Variants in TLN2 observed in about 807,000 individuals in gnomAD.
TLN2 encodes the protein talin 2, also known as talin-2.
In TLN2, 118 loss-of-function variants were observed where a neutral mutation model predicts 294.7. The ratio of observed to expected loss-of-function variants is 0.40; its 90% confidence interval spans 0.34 to 0.47. The LOEUF (loss-of-function observed/expected upper bound fraction) is 0.47, where lower values mean the gene tolerates loss of function less well. Ranked by LOEUF, TLN2 falls within the 20% of genes least tolerant of loss-of-function variation. The probability of loss-of-function intolerance (pLI) is 0.84; values close to 1 mark genes in which losing one functional copy is unlikely to be tolerated. For missense variants in TLN2, 3,083 were observed against 3,282.2 expected, an observed-to-expected ratio of 0.94 and a Z score of 1.48; for synonymous variants, 1,431 against 1,304.5, an observed-to-expected ratio of 1.10 and a Z score of -2.09.
intron 1 of TLN2, among the ~76,000 whole-genome samples, chr15:62,529,577 A>G (rs1366426876): frequency 2.1e-5 from 3 of 141,816 alleles, no homozygotes; most frequent in Non-Finnish European, 4.6e-5. Flanking sequence ...AAAAAAAAAA[A>G]AGGACAGTAC....
At chr15:62,497,823 G>T (rs1382699131) in intron 1 of TLN2, among the ~76,000 whole-genome samples, 1 of 151,918 alleles carries the variant, frequency 6.6e-6, no homozygotes, top group African/African-American at 2.4e-5. Context: ...TTTTTCCATG[G>T]TGGGGTTTTG....
intron 17 of TLN2, 126 bp from the exon 18 acceptor site, chr15:62,701,866 A>ATG (rs1181429697): frequency 9.2e-7 from 1 of 1,087,470 alleles, no homozygotes; most frequent in Non-Finnish European, 1.3e-6. Context: ...CACTGTGCTC[A>ATG]TGTGAAGCTT....
chr15:62,776,170 A>C (rs2063707651), intron 42 of TLN2, among the ~76,000 whole-genome samples: 1 of 152,004 alleles, frequency 6.6e-6, no homozygotes, highest in Non-Finnish European at 1.5e-5. Context: ...GGTGTGAAAC[A>C]CCTACTTCCT....
At chr15:62,631,992 T>C (rs2049943471) in intron 3 of TLN2, among the ~76,000 whole-genome samples, 2 of 152,194 alleles carry the variant, frequency 1.3e-5, no homozygotes, top group South Asian at 2.1e-4. Flanking sequence ...CCCACAAGGA[T>C]CACAGTAGGT....
rs757616114 is a variant in TLN2 at position 62,761,726 on chromosome 15, A to G, written c.4684A>G (p.Ile1562Val). ...FSEDNRNKCR[I>V]ATAPLIEAVE... is the part of the protein sequence containing the mutation. ...TGAAGACAACCGCAATAAGTGTCGC[A>G]TCGCCACCGCACCCTTGATTGAAGC... Residue 1562 changes from isoleucine to valine, a missense_variant, in exon 38 of 59, where the codon ATC (isoleucine) becomes GTC (valine). Coordinates refer to ENST00000636159, the MANE Select transcript of TLN2 (RefSeq NM_015059.3). The G allele has an allele frequency of 5.6e-6, 9 of 1,614,168 alleles. No individual in the cohort carries two copies. The African/African-American group carries it at 6.7e-5, about 12-fold the overall frequency.
At chr15:62,603,738 C>A (rs1315867165) in intron 2 of TLN2, among the ~76,000 whole-genome samples, 1 of 152,100 alleles carries the variant, frequency 6.6e-6, no homozygotes, top group South Asian at 2.1e-4. Flanking sequence ...AAGGGAGTCA[C>A]GTTTGGGAGA....
At chr15:62,777,084 G>C (rs933624662) in intron 43 of TLN2, among the ~76,000 whole-genome samples, 174 bp downstream of exon 43, 1 of 152,098 alleles carries the variant, frequency 6.6e-6, no homozygotes, top group Admixed American at 6.5e-5. Flanking sequence ...TATTATTAAT[G>C]CATTACTTTT....
intron 15 of TLN2, 130 bp from the exon 16 acceptor site, chr15:62,698,624 G>A: frequency 1.5e-6 from 1 of 659,258 alleles, no homozygotes; most frequent in South Asian, 1.8e-5. Flanking sequence ...AGATGGTTGA[G>A]GCGCTTGTTG....
At chr15:62,666,477 C>T (rs2054661685) in intron 9 of TLN2, among the ~76,000 whole-genome samples, 1 of 152,136 alleles carries the variant, frequency 6.6e-6, no homozygotes. Context: ...CCTGCCAGTG[C>T]CTTGACCTTG....
intron 12 of TLN2, chr15:62,690,352 C>CTGCAATCTCGGCACTTTGGGAG (rs2057744467): frequency 6.5e-6 from 1 of 152,796 alleles, no homozygotes. Context: ...CGGGCAGAGG[C>CTGCAATCTCGGCACTTTGGGAG]GCTCCTCACC....
intron 3 of TLN2, among the ~76,000 whole-genome samples, chr15:62,630,333 C>G (rs1345307931): frequency 2.0e-5 from 3 of 152,076 alleles, no homozygotes; most frequent in Non-Finnish European, 2.9e-5. Flanking sequence ...AGGCTAAAAC[C>G]CGGTGAGAAA....
intron 22 of TLN2, among the ~76,000 whole-genome samples, chr15:62,713,156 CTA>C (rs998611073): frequency 1.9e-4 from 29 of 150,768 alleles, no homozygotes; most frequent in African/African-American, 7.1e-4. Flanking sequence ...GTAATTCCAC[CTA>C]CTCGGGAGGC....
chr15:62,519,945 A>T (rs1488497995), intron 1 of TLN2, among the ~76,000 whole-genome samples: 1 of 152,216 alleles, frequency 6.6e-6, no homozygotes, highest in African/African-American at 2.4e-5. Flanking sequence ...TCACAGTTCC[A>T]TGTAGCTGGA....
chr15:62,719,722 C>A, intron 24 of TLN2, 45 bp from the exon 25 acceptor site: 1 of 1,468,780 alleles, frequency 6.8e-7, no homozygotes, highest in South Asian at 1.3e-5. Context: ...TTTGGATGGT[C>A]CCACCATTCT....
chr15:62,519,260 C>T (rs2040338068), intron 1 of TLN2, among the ~76,000 whole-genome samples: 1 of 152,114 alleles, frequency 6.6e-6, no homozygotes, highest in African/African-American at 2.4e-5. Context: ...TTGAAGTTGG[C>T]CGTCTCAGTA....
At chr15:62,644,447 G>T in intron 3 of TLN2, 1 of 455,304 alleles carries the variant, frequency 2.2e-6, no homozygotes, top group Non-Finnish European at 4.4e-6. Flanking sequence ...CTCCCACCCA[G>T]TTCTCTCTCC....
chr15:62,693,955 CTTTTTTTTTTTTTTTTT>C (rs71131123), intron 13 of TLN2, among the ~76,000 whole-genome samples: 2 of 94,220 alleles, frequency 2.1e-5, no homozygotes, highest in Non-Finnish European at 2.2e-5. Context: ...GATTTTCTTT[CTTTTTTTTTTTTTTTTT>C]TTTTTTTTTT....
At position 62,819,581 on chromosome 15, in the gene TLN2, C is replaced by T. The variant is rs143080480; in HGVS notation, c.6837C>T (p.Gly2279=). 1.2e-4 allele frequency: 193 copies of T among 1,613,004 alleles called. No homozygotes were observed. Among genetic ancestry groups the T allele is most frequent in the Middle Eastern group, 1.6e-4 (1 of 6,084 alleles). Reference sequence around the variant, plus strand: ...CCGCTTTCTCCAAGCGAGTCGCCGGCGCTGTGACAGAGCTCATCCAGGCGG... The same window carrying T: ...CCGCTTTCTCCAAGCGAGTCGCCGGTGCTGTGACAGAGCTCATCCAGGCGG... ...QLAAFSKRVA[G]AVTELIQAAE... The change falls in exon 53 of 59, where the codon GGC becomes GGT. Residue 2279 remains glycine, a synonymous_variant. Coordinates refer to ENST00000636159, the MANE Select transcript of TLN2 (RefSeq NM_015059.3).
chr15:62,582,424 T>A (rs2045210531), intron 1 of TLN2, among the ~76,000 whole-genome samples: 1 of 152,174 alleles, frequency 6.6e-6, no homozygotes, highest in South Asian at 2.1e-4. Flanking sequence ...GTTCTTGCCC[T>A]GTAAGAGCTC....
Sources: allele counts gnomAD v4.1 joint callset (sites outside exome capture counted in the v4.1 genomes callset), GRCh38; gene constraint gnomAD v4.1.1; transcripts MANE v1.5; gene names NCBI Gene and HGNC (gene_info 2026-07-23, HGNC 2026-07-21).